Variants in BMPR1B observed in about 807,000 individuals in gnomAD.
BMPR1B encodes bone morphogenetic protein receptor type-1B.
In BMPR1B, 12 loss-of-function variants were observed where a neutral mutation model predicts 59.1. That is an observed-to-expected ratio of 0.20 (90% CI 0.13 to 0.33). The LOEUF (loss-of-function observed/expected upper bound fraction) is 0.33. Ranked by LOEUF, BMPR1B falls within the 10% of genes least tolerant of loss-of-function variation. BMPR1B has a pLI of 1.00. For synonymous variants in BMPR1B, 237 were observed against 207.3 expected, an observed-to-expected ratio of 1.14 and a Z score of -1.23; for missense variants, 550 against 610.9, an observed-to-expected ratio of 0.90 and a Z score of 1.05.
At chr4:94,759,082 C>A (rs974276478) in intron 1 of BMPR1B, among the ~76,000 whole-genome samples, 3 of 152,186 alleles carry the variant, frequency 2.0e-5, no homozygotes, top group Admixed American at 6.5e-5. Flanking sequence ...GGAAGTTGTC[C>A]GCTGTGGTGC....
intron 3 of BMPR1B, among the ~76,000 whole-genome samples, chr4:95,022,838 G>T (rs1324429636): frequency 2.0e-5 from 3 of 152,062 alleles, no homozygotes; most frequent in Non-Finnish European, 2.9e-5. Context: ...GAATGATAAA[G>T]ATTTAATATA....
At chr4:94,768,787 A>G (rs1478396974) in intron 1 of BMPR1B, among the ~76,000 whole-genome samples, 1 of 152,178 alleles carries the variant, frequency 6.6e-6, no homozygotes, top group Non-Finnish European at 1.5e-5. Context: ...TCATTTGATT[A>G]TGTAGTTTCA....
intron 10 of BMPR1B, among the ~76,000 whole-genome samples, chr4:95,144,928 T>C (rs998647155): frequency 2.0e-5 from 3 of 152,214 alleles, no homozygotes; most frequent in African/African-American, 7.2e-5. Context: ...TTCCCGTCCT[T>C]ATGCCTATAA....
intron 3 of BMPR1B, among the ~76,000 whole-genome samples, chr4:95,076,511 T>A (rs1467974248): frequency 1.3e-5 from 2 of 152,098 alleles, no homozygotes; most frequent in East Asian, 3.8e-4. Context: ...TGCTCACACT[T>A]ATATGAGGCA....
intron 1 of BMPR1B, among the ~76,000 whole-genome samples, chr4:94,850,222 C>A (rs543683932): frequency 6.6e-6 from 1 of 151,862 alleles, no homozygotes; most frequent in South Asian, 2.1e-4. Context: ...TGCCATGGAT[C>A]CCTTTGGCAG....
At chr4:95,021,811 G>A (rs1406895313) in intron 3 of BMPR1B, among the ~76,000 whole-genome samples, 1 of 152,114 alleles carries the variant, frequency 6.6e-6, no homozygotes, top group Non-Finnish European at 1.5e-5. Flanking sequence ...GGAGATTGGC[G>A]GAAATAGTTA....
chr4:94,867,171 C>G (rs1473541205), intron 1 of BMPR1B, among the ~76,000 whole-genome samples: 2 of 152,204 alleles, frequency 1.3e-5, no homozygotes, highest in East Asian at 1.9e-4. Context: ...GTCTCTCATT[C>G]TAGCATGGCT....
At chr4:95,034,891 C>T (rs1725125711) in intron 3 of BMPR1B, among the ~76,000 whole-genome samples, 1 of 152,072 alleles carries the variant, frequency 6.6e-6, no homozygotes, top group South Asian at 2.1e-4. Context: ...TTTACATTCT[C>T]ACCAGCAGTA....
Position 95,012,751 on chromosome 4 carries a change from C to T in BMPR1B, c.-18+16617C>T, listed in dbSNP as rs143152543. Among the ~76,000 whole-genome samples, 18 of 152,256 alleles carry T rather than the reference C, an allele frequency of 1.2e-4. 1 individual carries two copies. The East Asian group carries it at 3.3e-3, about 28-fold the overall frequency. ...CATTGTGGACCCATGTTTTAAACAT[C>T]TGTCCTTCATTTACTATATCTTAAA... On this transcript the variant is annotated intron_variant, in intron 3 of 12. Coordinates refer to ENST00000515059, the MANE Select transcript of BMPR1B (RefSeq NM_001203.3).
intron 3 of BMPR1B, among the ~76,000 whole-genome samples, chr4:95,062,873 T>C (rs2149207321): frequency 6.6e-6 from 1 of 152,302 alleles, no homozygotes; most frequent in South Asian, 2.1e-4. Flanking sequence ...AATTATTTCT[T>C]CAGTAACTGT....
chr4:94,834,333 T>C (rs1724715150), intron 1 of BMPR1B, among the ~76,000 whole-genome samples: 1 of 152,174 alleles, frequency 6.6e-6, no homozygotes, highest in Non-Finnish European at 1.5e-5. Flanking sequence ...ATTAGTTCTT[T>C]CGTGATATGC....
intron 2 of BMPR1B, among the ~76,000 whole-genome samples, chr4:94,947,075 AAAAC>A (rs1022074076): frequency 9.2e-5 from 14 of 152,270 alleles, no homozygotes; most frequent in African/African-American, 2.4e-4. Context: ...AAACCCCCCA[AAAAC>A]AAACAAACAA....
chr4:94,804,121 G>A (rs545541940), intron 1 of BMPR1B, among the ~76,000 whole-genome samples: 6 of 152,070 alleles, frequency 3.9e-5, no homozygotes, highest in South Asian at 4.2e-4. Flanking sequence ...CTTGTGATCC[G>A]CCTGCCTCGG....
intron 1 of BMPR1B, among the ~76,000 whole-genome samples, chr4:94,831,159 T>C (rs556430286): frequency 6.7e-6 from 1 of 150,068 alleles, no homozygotes; most frequent in Non-Finnish European, 1.5e-5. Context: ...GACAGTGACA[T>C]TGGTGATCCT....
chr4:94,847,360 A>C (rs990523120), intron 1 of BMPR1B, among the ~76,000 whole-genome samples: 1 of 152,224 alleles, frequency 6.6e-6, no homozygotes, highest in African/African-American at 2.4e-5. Context: ...CACAGCCACT[A>C]TGGAAAACAG....
chr4:95,150,088 A>G (rs1480145061), intron 11 of BMPR1B, among the ~76,000 whole-genome samples: 1 of 152,232 alleles, frequency 6.6e-6, no homozygotes, highest in Admixed American at 6.5e-5. Context: ...ACTTCAATAG[A>G]AAGATCATTA....
chr4:94,849,029 C>G (rs1044370925), intron 1 of BMPR1B, among the ~76,000 whole-genome samples: 2 of 152,106 alleles, frequency 1.3e-5, no homozygotes, highest in African/African-American at 4.8e-5. Flanking sequence ...GGCTGGAGTT[C>G]AGGCTGGCTC....
Position 94,938,919 on chromosome 4 carries a change from G to A in BMPR1B, c.-112-57121G>A, listed in dbSNP as rs569779243. ...CTAGCTACTTGAGAGGCTGAGGCAG[G>A]AGGATCACTTGAGCCCAGGAGTTCA... On this transcript the variant is annotated intron_variant, in intron 2 of 12. Coordinates refer to ENST00000515059, the MANE Select transcript of BMPR1B (RefSeq NM_001203.3). Among the ~76,000 whole-genome samples, 7 of 152,202 alleles carry A rather than the reference G, an allele frequency of 4.6e-5. No homozygotes were observed. In the South Asian group the frequency reaches 1.5e-3, roughly 32 times the overall value.
At chr4:94,814,166 G>T (rs1723925447) in intron 1 of BMPR1B, among the ~76,000 whole-genome samples, 2 of 152,114 alleles carry the variant, frequency 1.3e-5, no homozygotes, top group South Asian at 4.1e-4. Flanking sequence ...TAACACTTTA[G>T]CATGAAAAAA....
Sources: allele counts gnomAD v4.1 joint callset (sites outside exome capture counted in the v4.1 genomes callset), GRCh38; gene constraint gnomAD v4.1.1; transcripts MANE v1.5; gene names NCBI Gene and HGNC (gene_info 2026-07-23, HGNC 2026-07-21).